BMP5: variants seen among roughly 807,000 people sequenced by gnomAD.
BMP5 encodes bone morphogenetic protein 5.
In BMP5, 23 loss-of-function variants were observed where a neutral mutation model predicts 46.6. The observed-to-expected ratio is 0.49, with a 90% CI of 0.35 to 0.70. The LOEUF (loss-of-function observed/expected upper bound fraction) is 0.70. Ranked by LOEUF, BMP5 falls within the 30% of genes least tolerant of loss-of-function variation. The pLI is 0.00. For missense variants in BMP5, 545 were observed against 565.6 expected, an observed-to-expected ratio of 0.96 and a Z score of 0.37; for synonymous variants, 204 against 191.9, an observed-to-expected ratio of 1.06 and a Z score of -0.52.
At chr6:55,772,802 T>G in intron 4 of BMP5, 1 of 985,180 alleles carries the variant, frequency 1.0e-6, no homozygotes, top group African/African-American at 1.7e-5. Context: ...AAATCTTCCC[T>G]CCTGCTTCTG....
At chr6:55,808,377 G>T (rs1776042852) in intron 2 of BMP5, among the ~76,000 whole-genome samples, 3 of 152,190 alleles carry the variant, frequency 2.0e-5, no homozygotes, top group South Asian at 4.1e-4. Flanking sequence ...GATGGCTGCT[G>T]CCCTTCTCCT....
At chr6:55,799,962 T>C (rs1459994699) in intron 2 of BMP5, among the ~76,000 whole-genome samples, 4 of 152,142 alleles carry the variant, frequency 2.6e-5, no homozygotes, top group African/African-American at 4.8e-5. Flanking sequence ...CCTTCCCTTA[T>C]ATAAGAATAG....
At chr6:55,815,342 T>A (rs1776234057) in intron 2 of BMP5, among the ~76,000 whole-genome samples, 1 of 152,144 alleles carries the variant, frequency 6.6e-6, no homozygotes, top group South Asian at 2.1e-4. Context: ...AATGTGAACT[T>A]GGTAGAACTG....
intron 3 of BMP5, among the ~76,000 whole-genome samples, chr6:55,777,117 G>T (rs1358526778): frequency 6.6e-6 from 1 of 151,666 alleles, no homozygotes; most frequent in Non-Finnish European, 1.5e-5. Flanking sequence ...AGTTACCCTT[G>T]GTCTTGAGCT....
intron 2 of BMP5, among the ~76,000 whole-genome samples, chr6:55,817,058 T>G (rs2127537536): frequency 6.6e-6 from 1 of 152,186 alleles, no homozygotes; most frequent in Middle Eastern, 3.4e-3. Context: ...AGATACCATC[T>G]CACACCAGTT....
At chr6:55,783,733 A>G (rs1775380912) in intron 3 of BMP5, among the ~76,000 whole-genome samples, 1 of 151,984 alleles carries the variant, frequency 6.6e-6, no homozygotes, top group African/African-American at 2.4e-5. Context: ...GTTTAGCTAG[A>G]GTCTAGAAGA....
chr6:55,809,068 C>T (rs886415795), intron 2 of BMP5, among the ~76,000 whole-genome samples: 4 of 152,090 alleles, frequency 2.6e-5, no homozygotes, highest in Non-Finnish European at 5.9e-5. Flanking sequence ...TCATTATGTT[C>T]TTTAAAGTCA....
chr6:55,777,499 C>T (rs1775205145), intron 3 of BMP5, among the ~76,000 whole-genome samples: 1 of 151,760 alleles, frequency 6.6e-6, no homozygotes, highest in Admixed American at 6.6e-5. Context: ...AAAGATGAAG[C>T]ATTGAATATA....
chr6:55,831,547 A>G (rs1425395436), intron 1 of BMP5, among the ~76,000 whole-genome samples: 9 of 152,122 alleles, frequency 5.9e-5, no homozygotes, highest in African/African-American at 2.2e-4. Flanking sequence ...TTGGAAGTAA[A>G]GCAGAAAGTT....
intron 4 of BMP5, among the ~76,000 whole-genome samples, chr6:55,765,117 T>A (rs757200311): frequency 6.6e-6 from 1 of 152,098 alleles, no homozygotes; most frequent in African/African-American, 2.4e-5. Flanking sequence ...TCCAGAAATC[T>A]GCATGGACTG....
In BMP5 at chr6:55,755,459, T is replaced by C; in HGVS notation, c.*74A>G. 6.9e-7 allele frequency: 1 copy of C among 1,449,650 alleles called. No individual in the cohort carries two copies. The highest frequency in any genetic ancestry group is 1.2e-5 in the South Asian group (1 of 83,342). The allele number at this position is 1,449,650 out of a possible 1,614,324, so 89.8% of individuals were successfully genotyped here. On this transcript the variant is annotated 3_prime_UTR_variant, in exon 7 of 7. Coordinates refer to ENST00000370830, the MANE Select transcript of BMP5 (RefSeq NM_021073.4). ...CTAATTTTAGGAAATTCCCCGTTTG[T>C]CTGAAAGTATGCTTTTTATTGCAGC...
chr6:55,850,338 G>A (rs1488491030), intron 1 of BMP5, among the ~76,000 whole-genome samples: 3 of 147,734 alleles, frequency 2.0e-5, no homozygotes, highest in Non-Finnish European at 4.5e-5. Context: ...TTATAGATAG[G>A]TAGTTAGGTA....
intron 1 of BMP5, among the ~76,000 whole-genome samples, chr6:55,845,372 A>T (rs1490096836): frequency 6.6e-6 from 1 of 151,850 alleles, no homozygotes; most frequent in Non-Finnish European, 1.5e-5. Flanking sequence ...TTCACCTGGA[A>T]CCTACAATGG....
chr6:55,849,873 T>G (rs1256451717), intron 1 of BMP5, among the ~76,000 whole-genome samples: 2 of 152,092 alleles, frequency 1.3e-5, no homozygotes, highest in African/African-American at 4.8e-5. Context: ...AGATGAGGAC[T>G]ATTTCTATCC....
At chr6:55,835,447 C>T (rs1057153692) in intron 1 of BMP5, among the ~76,000 whole-genome samples, 6 of 152,168 alleles carry the variant, frequency 3.9e-5, no homozygotes, top group African/African-American at 1.4e-4. Flanking sequence ...TAACATTTAG[C>T]ATTACATACT....
chr6:55,759,649 C>G (rs1774716441), intron 5 of BMP5, among the ~76,000 whole-genome samples: 1 of 151,784 alleles, frequency 6.6e-6, no homozygotes, highest in Admixed American at 6.6e-5. Flanking sequence ...TCTTTCCATT[C>G]ATGCATTAAC....
At chr6:55,852,769 T>C (rs963468600) in intron 1 of BMP5, among the ~76,000 whole-genome samples, 5 of 152,302 alleles carry the variant, frequency 3.3e-5, no homozygotes, top group Admixed American at 1.3e-4. Flanking sequence ...TAGTTTGGTT[T>C]GCTGTCATTC....
intron 1 of BMP5, among the ~76,000 whole-genome samples, chr6:55,840,590 A>G (rs1261402371): frequency 6.6e-6 from 1 of 152,094 alleles, no homozygotes; most frequent in East Asian, 1.9e-4. Context: ...TGTTGCTTTG[A>G]AATATTTGTA....
intron 1 of BMP5, among the ~76,000 whole-genome samples, chr6:55,826,755 T>C (rs1582097466): frequency 6.6e-6 from 1 of 151,802 alleles, no homozygotes; most frequent in East Asian, 1.9e-4. Flanking sequence ...AATTAATAAA[T>C]TTTAATTTTT....
Sources: gnomAD v4.1 joint callset for allele counts (sites outside exome capture counted in the v4.1 genomes callset) on GRCh38, gnomAD v4.1.1 for gene constraint, MANE v1.5 for transcripts, NCBI Gene and HGNC (gene_info 2026-07-23, HGNC 2026-07-21) for gene names.